Variants in MROH9 observed in about 807,000 individuals in gnomAD.
MROH9 encodes the protein maestro heat like repeat family member 9, also known as maestro heat-like repeat-containing protein family member 9.
A neutral mutation model predicts 98.2 loss-of-function variants in MROH9; 92 were observed. The ratio of observed to expected loss-of-function variants is 0.94; its 90% CI spans 0.79 to 1.11. The LOEUF is 1.11. MROH9 is among the 50% of genes most tolerant of loss of function. MROH9 has a pLI of 0.00. For synonymous variants in MROH9, 397 were observed against 368.9 expected (o/e 1.08, Z -0.87); for missense variants, 1,057 against 1,014.8 (o/e 1.04, Z -0.57).
Position 170,995,469 on chromosome 1 carries a change from G to A in MROH9, c.1275G>A (p.Thr425=), listed in dbSNP as rs752465494. 5.2e-5 allele frequency: 84 copies of A among 1,613,150 alleles called. No individual in the cohort carries two copies. Among genetic ancestry groups the A allele is most frequent in the Non-Finnish European group, 6.4e-5 (76 of 1,179,550 alleles). Residue 425 remains threonine (T), a synonymous_variant, in exon 13 of 22, where the codon ACG becomes ACA. Transcript: ENST00000367759. ...AVAQYFPQLL[T]TLMFQVFYNS... is the part of the protein sequence containing the mutation. ...CCCAGTATTTCCCCCAGCTCTTGAC[G>A]ACTCTTATGTTCCAAGTCTTCTACA... is the stretch of plus-strand genomic sequence containing the variant.
intron 20 of MROH9, among the ~76,000 whole-genome samples, chr1:171,044,853 TTC>T (rs1653412272): frequency 6.6e-6 from 1 of 151,906 alleles, no homozygotes; most frequent in African/African-American, 2.4e-5. Flanking sequence ...CTCCCTTTTT[TTC>T]TTAGTCTGGC....
At chr1:170,952,639 T>C (rs541614794) in intron 3 of MROH9, among the ~76,000 whole-genome samples, 101 of 149,650 alleles carry the variant, frequency 6.7e-4, no homozygotes, top group Admixed American at 2.6e-3. Flanking sequence ...TTAGGAGATA[T>C]ACCTAATGTA....
intron 20 of MROH9, among the ~76,000 whole-genome samples, chr1:171,058,101 A>G (rs1031176557): frequency 2.0e-5 from 3 of 152,206 alleles, no homozygotes; most frequent in Non-Finnish European, 2.9e-5. Context: ...ACATCACCTC[A>G]GCCCAAAAAC....
chr1:170,990,776 C>T (rs138452375), intron 11 of MROH9, among the ~76,000 whole-genome samples: 28 of 152,174 alleles, frequency 1.8e-4, no homozygotes, highest in Admixed American at 1.5e-3. Context: ...TAAAACTCCC[C>T]GATGCTAAAT....
intron 20 of MROH9, among the ~76,000 whole-genome samples, chr1:171,055,626 A>G (rs1179344455): frequency 1.3e-3 from 198 of 150,948 alleles, no homozygotes; most frequent in Middle Eastern, 6.9e-3. Context: ...CATAAAAAAA[A>G]AAAAAAAAAA....
At chr1:171,037,624 A>G (rs1478184284) in intron 20 of MROH9, among the ~76,000 whole-genome samples, 4 of 152,060 alleles carry the variant, frequency 2.6e-5, no homozygotes, top group Non-Finnish European at 1.5e-5. Context: ...AAATTAAAGT[A>G]GAAAAGTTAG....
At chr1:170,991,635 T>C (rs78830352) in intron 11 of MROH9, among the ~76,000 whole-genome samples, 1,532 of 152,276 alleles carry the variant, frequency 0.01, 16 homozygotes, top group Non-Finnish European at 0.016. Context: ...AGGATTTTAA[T>C]AGCATCTGTG....
chr1:171,007,428 G>C (rs1377245049), intron 15 of MROH9, among the ~76,000 whole-genome samples: 2 of 152,148 alleles, frequency 1.3e-5, no homozygotes, highest in Non-Finnish European at 2.9e-5. Flanking sequence ...AAGTAGGTGG[G>C]TCCCAGGGCA....
At chr1:170,964,715 G>A (rs1650163589) in intron 6 of MROH9, among the ~76,000 whole-genome samples, 1 of 152,006 alleles carries the variant, frequency 6.6e-6, no homozygotes, top group South Asian at 2.1e-4. Flanking sequence ...ATTGGCAGAG[G>A]AATTCTGGAA....
At chr1:170,977,115 A>G (rs1349475889) in intron 8 of MROH9, among the ~76,000 whole-genome samples, 1 of 151,950 alleles carries the variant, frequency 6.6e-6, no homozygotes, top group Non-Finnish European at 1.5e-5. Context: ...TATACTGGCT[A>G]TTTCATCAGT....
rs543732820 is a variant in MROH9 at position 171,034,511 on chromosome 1, G to T, written c.2281+9091G>T. 9.9e-5 allele frequency among the ~76,000 whole-genome samples: 15 copies of T among 152,228 alleles called. No individual in the cohort carries two copies. In the East Asian group the frequency reaches 2.9e-3, roughly 29 times the overall value. ...CCCTTGCCAGCTTGCTTCCTGATGG[G>T]TACAACACTTAATGTCCATTAATGC... On this transcript the variant is annotated intron_variant, in intron 20 of 21. Coordinates refer to ENST00000367759, the MANE Select transcript of MROH9 (RefSeq NM_001163629.2).
chr1:171,011,882 G>GTT (rs11462656), intron 15 of MROH9, among the ~76,000 whole-genome samples: 207 of 150,912 alleles, frequency 1.4e-3, no homozygotes, highest in African/African-American at 4.7e-3. Flanking sequence ...TAATTCTATT[G>GTT]TTTTTTTTGT....
intron 14 of MROH9, among the ~76,000 whole-genome samples, chr1:170,997,517 G>A (rs55988822): frequency 0.14 from 21,187 of 152,140 alleles, 1,647 homozygotes; most frequent in African/African-American, 0.21. Flanking sequence ...TATCCCAAGG[G>A]TGATCTGTTT....
chr1:170,978,140 A>G (rs1344423900), intron 8 of MROH9, among the ~76,000 whole-genome samples: 1 of 151,974 alleles, frequency 6.6e-6, no homozygotes, highest in Non-Finnish European at 1.5e-5. Context: ...TGTTACTGAG[A>G]TTGTTCAGCC....
Position 171,024,403 on chromosome 1 carries a change from AGG to A in MROH9, c.1918_1919del (p.Gly640HisfsTer14). 1 of 1,551,190 alleles carries A rather than the reference AGG, an allele frequency of 6.4e-7. No homozygotes were observed. Among genetic ancestry groups the A allele is most frequent in the Non-Finnish European group, 8.7e-7 (1 of 1,146,804 alleles). ...YCTLMDHING[G>X]IRSMAIRHFG... is the part of the protein sequence containing the mutation. The stretch of plus-strand genomic sequence containing the variant: ...GCCTTTGTCTTTTACAGATTAATGG[AGG>A]CATTCGAAGTATGGCAATTCGACAC... On this transcript the variant is annotated frameshift_variant, in exon 18 of 22. Transcript: ENST00000367759. LOFTEE classifies it high-confidence loss of function.
At chr1:171,044,812 C>T (rs1010641259) in intron 20 of MROH9, among the ~76,000 whole-genome samples, 1 of 151,364 alleles carries the variant, frequency 6.6e-6, no homozygotes, top group African/African-American at 2.4e-5. Flanking sequence ...TTTAATGTCT[C>T]CTTTTTCATT....
chr1:171,049,640 A>G (rs754009064), intron 20 of MROH9, among the ~76,000 whole-genome samples: 1 of 149,434 alleles, frequency 6.7e-6, no homozygotes, highest in Admixed American at 6.6e-5. Context: ...ATGTCTGTTC[A>G]TCTGTTCATG....
chr1:171,025,170 T>G, intron 19 of MROH9, 148 bp from the exon 20 acceptor site: 2 of 579,264 alleles, frequency 3.5e-6, no homozygotes, highest in African/African-American at 1.9e-5. Flanking sequence ...AAAAAGAGAG[T>G]TGAGTTTGGG....
At chr1:170,970,731 T>TGTGTGTGAGAGAGAGAGA (rs1491154307) in intron 7 of MROH9, among the ~76,000 whole-genome samples, 1 of 90,802 alleles carries the variant, frequency 1.1e-5, no homozygotes, top group Admixed American at 1.2e-4. Flanking sequence ...TGTGTGTGTG[T>TGTGTGTGAGAGAGAGAGA]GAGAGAGAGA....
Sources: gnomAD v4.1 joint callset for allele counts (sites outside exome capture counted in the v4.1 genomes callset) on GRCh38, gnomAD v4.1.1 for gene constraint, MANE v1.5 for transcripts, NCBI Gene and HGNC (gene_info 2026-07-23, HGNC 2026-07-21) for gene names.